PEX14: variants seen among roughly 807,000 people sequenced by gnomAD.
PEX14 encodes peroxisomal membrane protein PEX14.
In PEX14, 15 loss-of-function variants were observed where a neutral mutation model predicts 49.5. That is an observed-to-expected ratio of 0.30 (90% CI 0.20 to 0.47). The LOEUF (loss-of-function observed/expected upper bound fraction) is 0.47, where lower values mean the gene tolerates loss of function less well. Ranked by LOEUF, PEX14 falls within the 20% of genes least tolerant of loss-of-function variation. The pLI is 1.00. For missense variants in PEX14, 398 were observed against 494.8 expected, an observed-to-expected ratio of 0.80 and a Z score of 1.86; for synonymous variants, 210 against 212.7, an observed-to-expected ratio of 0.99 and a Z score of 0.11.
chr1:10,617,725 A>G (rs1570358231), intron 4 of PEX14, among the ~76,000 whole-genome samples: 1 of 144,546 alleles, frequency 6.9e-6, no homozygotes, highest in East Asian at 2.1e-4. Context: ...ATCCCTTTTG[A>G]TAGGCGTTCT....
chr1:10,517,400 G>C (rs914567610), intron 2 of PEX14, among the ~76,000 whole-genome samples: 3 of 152,110 alleles, frequency 2.0e-5, no homozygotes, highest in Admixed American at 2.0e-4. Context: ...CTCTGATATA[G>C]CCCGTATGCA....
intron 4 of PEX14, among the ~76,000 whole-genome samples, chr1:10,614,912 TAGAAGAGGGGAGAC>T (rs1641369648): frequency 6.6e-6 from 1 of 152,116 alleles, no homozygotes; most frequent in Non-Finnish European, 1.5e-5. Flanking sequence ...CAAAGCTGGC[TAGAAGAGGGGAGAC>T]AGAAGAGACA....
chr1:10,549,879 A>T (rs545833963), intron 3 of PEX14, among the ~76,000 whole-genome samples: 2 of 152,268 alleles, frequency 1.3e-5, no homozygotes, highest in Admixed American at 6.5e-5. Flanking sequence ...ATAAAATAGC[A>T]CTGTTCTTTG....
intron 1 of PEX14, among the ~76,000 whole-genome samples, chr1:10,476,860 G>T (rs1003642861): frequency 6.6e-6 from 1 of 152,014 alleles, no homozygotes; most frequent in African/African-American, 2.4e-5. Flanking sequence ...TTGCCACTTG[G>T]AGCCACTGTT....
At chr1:10,605,471 C>G (rs1209109244) in intron 4 of PEX14, among the ~76,000 whole-genome samples, 1 of 152,180 alleles carries the variant, frequency 6.6e-6, no homozygotes, top group Non-Finnish European at 1.5e-5. Flanking sequence ...TAGTCTTAGG[C>G]AAGGCTTTCT....
At position 10,536,581 on chromosome 1, in the gene PEX14, CTG is replaced by C. The variant is rs1638811774; in HGVS notation, c.169+287_169+288del. The C allele has an allele frequency of 1.2e-5, 5 of 426,046 alleles. No homozygotes were observed. In the Middle Eastern group the frequency reaches 2.1e-3, roughly 178 times the overall value. 26.4% of individuals were successfully genotyped at this position (426,046 alleles called of 1,614,324 possible). On this transcript the variant is annotated intron_variant, in intron 3 of 8. Coordinates refer to ENST00000356607, the MANE Select transcript of PEX14 (RefSeq NM_004565.3). ...AGCAGAGTCGGCCCATTGGATGAGA[CTG>C]TGGAGGACTTCTGGTTTTTGGTCTG...
intron 3 of PEX14, among the ~76,000 whole-genome samples, chr1:10,575,419 G>A (rs1215519106): frequency 2.0e-5 from 3 of 152,110 alleles, no homozygotes; most frequent in Non-Finnish European, 4.4e-5. Context: ...ATGGCATTTT[G>A]TACACATAAA....
At chr1:10,565,969 A>G (rs922296617) in intron 3 of PEX14, among the ~76,000 whole-genome samples, 5 of 152,220 alleles carry the variant, frequency 3.3e-5, no homozygotes, top group Admixed American at 6.5e-5. Flanking sequence ...TTATTTATTT[A>G]CATGTCTGTC....
At chr1:10,556,021 G>A (rs1639478013) in intron 3 of PEX14, among the ~76,000 whole-genome samples, 1 of 149,612 alleles carries the variant, frequency 6.7e-6, no homozygotes, top group South Asian at 2.2e-4. Flanking sequence ...TGGCACTGCG[G>A]AGCCAGCGTG....
intron 3 of PEX14, among the ~76,000 whole-genome samples, chr1:10,536,855 C>T (rs1055383800): frequency 3.3e-5 from 5 of 152,148 alleles, no homozygotes; most frequent in Non-Finnish European, 7.4e-5. Flanking sequence ...AAGAGACAAT[C>T]TATTCTGGTT....
intron 3 of PEX14, among the ~76,000 whole-genome samples, chr1:10,540,068 T>G (rs1282942176): frequency 6.6e-6 from 1 of 152,016 alleles, no homozygotes; most frequent in Admixed American, 6.6e-5. Flanking sequence ...CTGGTTGGGG[T>G]AGGCAAATGA....
intron 2 of PEX14, among the ~76,000 whole-genome samples, chr1:10,502,421 TC>T: frequency 6.6e-6 from 1 of 152,190 alleles, no homozygotes; most frequent in East Asian, 1.9e-4. Flanking sequence ...ACTCTGTCCT[TC>T]CTATCACAGA....
chr1:10,604,849 A>G (rs1226761456), intron 4 of PEX14, among the ~76,000 whole-genome samples: 2 of 152,112 alleles, frequency 1.3e-5, no homozygotes, highest in African/African-American at 2.4e-5. Context: ...AGCAGGTGCC[A>G]TGAGGTTAGT....
chr1:10,515,581 G>A (rs1343648870), intron 2 of PEX14, among the ~76,000 whole-genome samples: 5 of 152,126 alleles, frequency 3.3e-5, no homozygotes, highest in Non-Finnish European at 5.9e-5. Flanking sequence ...TTATTTTTGT[G>A]TATCCTGAGC....
chr1:10,601,037 G>A (rs1415853275), intron 4 of PEX14, among the ~76,000 whole-genome samples: 1 of 152,154 alleles, frequency 6.6e-6, no homozygotes, highest in Non-Finnish European at 1.5e-5. Flanking sequence ...CAAGGCGGGC[G>A]GATCACTTGA....
intron 3 of PEX14, among the ~76,000 whole-genome samples, chr1:10,554,040 A>G (rs943110042): frequency 1.1e-4 from 16 of 151,584 alleles, no homozygotes; most frequent in Non-Finnish European, 1.6e-4. Context: ...CTGTAATCCC[A>G]GCCCTTTGGG....
At chr1:10,501,731 A>G (rs2124416287) in intron 2 of PEX14, among the ~76,000 whole-genome samples, 1 of 152,322 alleles carries the variant, frequency 6.6e-6, no homozygotes, top group East Asian at 1.9e-4. Flanking sequence ...ATTCGGCAAC[A>G]TAGTGAAACC....
At chr1:10,605,948 G>A (rs1257922507) in intron 4 of PEX14, among the ~76,000 whole-genome samples, 6 of 152,186 alleles carry the variant, frequency 3.9e-5, no homozygotes, top group Non-Finnish European at 7.3e-5. Flanking sequence ...TGCCATTCGC[G>A]GATGTTGAAG....
rs150512280 is a variant in PEX14 at position 10,488,490 on chromosome 1, G to A, written c.37-6784G>A. ...TTATTTTACATATTATACTTTTCATGTCTAGAAATTCTATTTTCTTTTTTT... is the reference window on the plus strand; with the variant it reads ...TTATTTTACATATTATACTTTTCATATCTAGAAATTCTATTTTCTTTTTTT... On this transcript the variant is annotated intron_variant, in intron 1 of 8. Transcript: ENST00000356607. Among the ~76,000 whole-genome samples the A allele has an allele frequency of 8.3e-3, 1,250 of 151,050 alleles. 20 individuals carry two copies. The highest frequency in any genetic ancestry group is 0.029 in the African/African-American group (1,194 of 41,220).
Sources: allele counts gnomAD v4.1 joint callset (sites outside exome capture counted in the v4.1 genomes callset), GRCh38; gene constraint gnomAD v4.1.1; transcripts MANE v1.5; gene names NCBI Gene and HGNC (gene_info 2026-07-23, HGNC 2026-07-21).